F13A1: variants seen among roughly 807,000 people sequenced by gnomAD.
F13A1 encodes FSF, A subunit.
In F13A1, 47 loss-of-function variants were observed where a neutral mutation model predicts 80.1. That is an observed-to-expected ratio of 0.59 (90% CI 0.46 to 0.75). F13A1 has a LOEUF of 0.75. F13A1 is among the 30% of genes least tolerant of loss of function. The pLI, the probability that F13A1 is intolerant of heterozygous loss-of-function variation, is 0.00. For missense variants in F13A1, 817 were observed against 930.4 expected, an observed-to-expected ratio of 0.88 and a Z score of 1.59; for synonymous variants, 349 against 344.9, an observed-to-expected ratio of 1.01 and a Z score of -0.13.
At chr6:6,182,200 T>C in intron 10 of F13A1, 59 bp from the exon 11 acceptor site, 1 of 1,591,624 alleles carries the variant, frequency 6.3e-7, no homozygotes, top group Non-Finnish European at 8.6e-7. Flanking sequence ...GCCAAAGTCT[T>C]TAACTGTCCA....
At chr6:6,301,406 G>A (rs897748128) in intron 3 of F13A1, among the ~76,000 whole-genome samples, 3 of 152,146 alleles carry the variant, frequency 2.0e-5, no homozygotes, top group Non-Finnish European at 4.4e-5. Flanking sequence ...ACAACAGGTT[G>A]GGCAATGAAA....
chr6:6,164,630 C>T (rs1450400655), intron 13 of F13A1, among the ~76,000 whole-genome samples: 2 of 151,946 alleles, frequency 1.3e-5, no homozygotes, highest in Non-Finnish European at 2.9e-5. Context: ...TTATTACTCT[C>T]CTCTCCCCGT....
At chr6:6,159,872 G>T (rs1050948716) in intron 13 of F13A1, among the ~76,000 whole-genome samples, 2 of 152,120 alleles carry the variant, frequency 1.3e-5, no homozygotes, top group African/African-American at 4.8e-5. Flanking sequence ...GTAAGTGCTG[G>T]TTAGCTCAGG....
rs146680286 is a variant in F13A1, at chr6:6,266,490, G to C, written c.571+68C>G. ...GCCTCCCAAAGAGCTGGGAGTATAG[G>C]CATGTGCCATGGCACCCCGCCAAAT... On this transcript the variant is annotated intron_variant, in intron 4 of 14. Coordinates refer to ENST00000264870, the MANE Select transcript of F13A1 (RefSeq NM_000129.4). The C allele has an allele frequency of 1.9e-6, 3 of 1,612,148 alleles. No homozygotes were observed. In the African/African-American group the frequency reaches 4.0e-5, roughly 21 times the overall value.
chr6:6,266,634 CCAGACAGCAA>C lies in F13A1; in HGVS notation c.485_494del (p.Val162GlyfsTer43). ...TGGTTCGAAGTACGCCATAGGGAGT[CCAGACAGCAA>C]CATACATGCGGAATTTCCCCACAAT... On this transcript the variant is annotated frameshift_variant, in exon 4 of 15. Coordinates refer to ENST00000264870, the MANE Select transcript of F13A1 (RefSeq NM_000129.4). LOFTEE classifies it high-confidence loss of function. 6.2e-7 allele frequency: 1 copy of C among 1,614,198 alleles called. No individual in the cohort carries two copies. The highest frequency in any genetic ancestry group is 1.3e-5 in the African/African-American group (1 of 75,036).
intron 8 of F13A1, among the ~76,000 whole-genome samples, chr6:6,201,567 T>C (rs1047392777): frequency 4.6e-5 from 7 of 152,230 alleles, no homozygotes; most frequent in Non-Finnish European, 4.4e-5. Flanking sequence ...CTAGGGGAAT[T>C]GTGTCCTAAG....
intron 9 of F13A1, among the ~76,000 whole-genome samples, chr6:6,196,330 G>A (rs919840921): frequency 6.6e-6 from 1 of 152,208 alleles, no homozygotes; most frequent in Non-Finnish European, 1.5e-5. Context: ...GACATTGCCT[G>A]TGCATTTTGG....
At chr6:6,300,924 T>C (rs967101518) in intron 3 of F13A1, among the ~76,000 whole-genome samples, 2 of 152,210 alleles carry the variant, frequency 1.3e-5, no homozygotes, top group African/African-American at 4.8e-5. Flanking sequence ...CTAAAATGGA[T>C]CTTCTCTTGA....
At chr6:6,233,801 A>G (rs1757382064) in intron 6 of F13A1, among the ~76,000 whole-genome samples, 1 of 152,212 alleles carries the variant, frequency 6.6e-6, no homozygotes, top group Non-Finnish European at 1.5e-5. Context: ...AACATACACA[A>G]GTCAATAAAT....
At chr6:6,164,218 A>G (rs1021549430) in intron 13 of F13A1, among the ~76,000 whole-genome samples, 1 of 152,218 alleles carries the variant, frequency 6.6e-6, no homozygotes, top group Non-Finnish European at 1.5e-5. Flanking sequence ...ATAATTCTTA[A>G]GAAACTAATG....
chr6:6,173,903 T>C lies in F13A1; in HGVS notation c.1747+677A>G, dbSNP rs79780117. On this transcript the variant is annotated intron_variant, in intron 12 of 14. Coordinates refer to ENST00000264870, the MANE Select transcript of F13A1 (RefSeq NM_000129.4). The stretch of plus-strand genomic sequence containing the variant: ...GCTTGGGATCTTGTCAAAACATGGA[T>C]TTTGATTCAGAGGGTGTGGGGTGGG... Among the ~76,000 whole-genome samples the C allele has an allele frequency of 4.7e-3, 720 of 152,170 alleles. 1 individual carries two copies. The highest frequency in any genetic ancestry group is 0.014 in the Middle Eastern group (4 of 294).
chr6:6,309,124 C>A (rs984337513), intron 2 of F13A1, among the ~76,000 whole-genome samples: 2 of 152,078 alleles, frequency 1.3e-5, no homozygotes, highest in Non-Finnish European at 2.9e-5. Context: ...TTAATATTCT[C>A]CCTAGCTTCT....
chr6:6,252,929 C>T (rs1757652716), intron 4 of F13A1, among the ~76,000 whole-genome samples: 1 of 151,962 alleles, frequency 6.6e-6, no homozygotes, highest in Non-Finnish European at 1.5e-5. Flanking sequence ...GAGGCTGAGG[C>T]AGGTGGATCA....
chr6:6,302,864 T>G (rs1250405496), intron 3 of F13A1, among the ~76,000 whole-genome samples: 1 of 152,230 alleles, frequency 6.6e-6, no homozygotes, highest in Non-Finnish European at 1.5e-5. Flanking sequence ...GTTCTTGCTT[T>G]CTTCTACAGT....
At chr6:6,200,978 C>T (rs185610691) in intron 8 of F13A1, among the ~76,000 whole-genome samples, 1 of 152,266 alleles carries the variant, frequency 6.6e-6, no homozygotes, top group East Asian at 1.9e-4. Context: ...AAGGTTGCCC[C>T]ATCAGGCAGA....
chr6:6,288,731 C>T (rs758236777), intron 3 of F13A1, among the ~76,000 whole-genome samples: 37 of 152,204 alleles, frequency 2.4e-4, no homozygotes, highest in African/African-American at 3.4e-4. Context: ...AACTGCCACA[C>T]GACTTTCCAA....
At chr6:6,208,669 TC>T (rs1761538969) in intron 8 of F13A1, among the ~76,000 whole-genome samples, 1 of 152,140 alleles carries the variant, frequency 6.6e-6, no homozygotes, top group Admixed American at 6.5e-5. Context: ...CTTTTTCAAA[TC>T]TCAGACCTGA....
intron 3 of F13A1, among the ~76,000 whole-genome samples, chr6:6,285,941 G>T (rs889171095): frequency 1.3e-5 from 2 of 152,202 alleles, no homozygotes; most frequent in African/African-American, 2.4e-5. Flanking sequence ...CACTCAACTG[G>T]TAAGGAAAAA....
rs114910521 is a variant in F13A1, at chr6:6,245,130, G to A, written c.798+3182C>T. On this transcript the variant is annotated intron_variant, in intron 6 of 14. Coordinates refer to ENST00000264870, the MANE Select transcript of F13A1 (RefSeq NM_000129.4). ...CCCCCAGGTAGAAGATAGGGATGTC[G>A]TTAAACATTCTACACAGGACAACCT... is the stretch of plus-strand genomic sequence containing the variant. 3.1e-3 allele frequency among the ~76,000 whole-genome samples: 473 copies of A among 152,216 alleles called. 3 individuals carry two copies. Among genetic ancestry groups the A allele is most frequent in the African/African-American group, 0.011 (444 of 41,538 alleles).
Sources: allele counts gnomAD v4.1 joint callset (sites outside exome capture counted in the v4.1 genomes callset), GRCh38; gene constraint gnomAD v4.1.1; transcripts MANE v1.5; gene names NCBI Gene and HGNC (gene_info 2026-07-23, HGNC 2026-07-21).